The following VEGFC variants were observed in gnomAD, a reference collection of about 807,000 sequenced individuals.
VEGFC encodes vascular endothelial growth factor C.
In VEGFC, 12 loss-of-function variants were observed where a neutral mutation model predicts 46.1. The observed-to-expected ratio is 0.26, with a 90% CI of 0.17 to 0.42. The LOEUF is 0.42. Among genes scored for constraint, VEGFC ranks in the 10% least tolerant of loss-of-function variants. The pLI, the probability that VEGFC is intolerant of heterozygous loss-of-function variation, is 1.00. For synonymous variants in VEGFC, 232 were observed against 195.5 expected (o/e 1.19, Z -1.56); for missense variants, 488 against 529.4 (o/e 0.92, Z 0.77).
At chr4:176,726,614 ACT>A (rs1734877960) in intron 3 of VEGFC, among the ~76,000 whole-genome samples, 1 of 152,132 alleles carries the variant, frequency 6.6e-6, no homozygotes, top group African/African-American at 2.4e-5. Context: ...ATGTCTCCAA[ACT>A]CAGAGGCCAA....
chr4:176,767,401 C>T (rs891198024), intron 1 of VEGFC, among the ~76,000 whole-genome samples: 8 of 152,202 alleles, frequency 5.3e-5, no homozygotes, highest in African/African-American at 1.9e-4. Flanking sequence ...CTCTGCCTCA[C>T]CACATTTATG....
chr4:176,792,456 G>C lies in VEGFC; in HGVS notation c.-145C>G, dbSNP rs912109517. The C allele has an allele frequency of 9.8e-5, 55 of 564,014 alleles. No individual in the cohort carries two copies. The highest frequency in any genetic ancestry group is 1.4e-4 in the Non-Finnish European group (50 of 363,628). The allele number at this position is 564,014 out of a possible 1,614,324, so 34.9% of individuals were successfully genotyped here. On this transcript the variant is annotated 5_prime_UTR_variant, in exon 1 of 7. Coordinates refer to ENST00000618562, the MANE Select transcript of VEGFC (RefSeq NM_005429.5). The surrounding 1 kb of genome is among the most constrained non-coding windows in gnomAD (Gnocchi z 6.3). ...CCCCCCTGGGCGAGCCGGAGGCGGCGGGAGCGGGTCCGGGGCTCCGCGTTC... is the reference window on the plus strand; with the variant it reads ...CCCCCCTGGGCGAGCCGGAGGCGGCCGGAGCGGGTCCGGGGCTCCGCGTTC...
intron 3 of VEGFC, among the ~76,000 whole-genome samples, chr4:176,716,932 C>T (rs1034509189): frequency 1.5e-4 from 23 of 152,124 alleles, no homozygotes; most frequent in African/African-American, 5.6e-4. Context: ...TTCTGTTCTA[C>T]ATTTAAGTTC....
chr4:176,783,855 G>A (rs1735953668), intron 1 of VEGFC, among the ~76,000 whole-genome samples: 1 of 62,888 alleles, frequency 1.6e-5, no homozygotes, highest in Admixed American at 1.7e-4. Flanking sequence ...TGGGAAAATT[G>A]TCAGTAATTT....
chr4:176,781,833 T>C (rs866508614), intron 1 of VEGFC, among the ~76,000 whole-genome samples: 4 of 152,244 alleles, frequency 2.6e-5, no homozygotes, highest in Admixed American at 6.5e-5. Flanking sequence ...AAGGTGATTA[T>C]GTTTGTCATT....
chr4:176,747,197 T>C (rs184921879), intron 1 of VEGFC, among the ~76,000 whole-genome samples: 4 of 152,206 alleles, frequency 2.6e-5, no homozygotes, highest in Admixed American at 2.6e-4. Flanking sequence ...GGAAATGAGA[T>C]GCACTTAAAC....
At chr4:176,688,666 A>G (rs894656124) in intron 4 of VEGFC, among the ~76,000 whole-genome samples, 2 of 147,928 alleles carry the variant, frequency 1.4e-5, no homozygotes, top group African/African-American at 4.9e-5. Flanking sequence ...TTTAGAGTAA[A>G]AATTATGAAC....
chr4:176,777,541 AAT>A (rs1447717691), intron 1 of VEGFC, among the ~76,000 whole-genome samples: 4 of 152,212 alleles, frequency 2.6e-5, no homozygotes, highest in African/African-American at 9.6e-5. Flanking sequence ...GATTTTATAT[AAT>A]ACCTAAATAC....
intron 1 of VEGFC, among the ~76,000 whole-genome samples, chr4:176,761,630 T>TGAAC (rs1735531511): frequency 6.6e-6 from 1 of 152,198 alleles, no homozygotes; most frequent in African/African-American, 2.4e-5. Context: ...AGGACAACAG[T>TGAAC]GAACGAATGT....
intron 3 of VEGFC, among the ~76,000 whole-genome samples, chr4:176,714,629 T>C (rs1350121952): frequency 1.3e-5 from 2 of 152,146 alleles, no homozygotes; most frequent in Non-Finnish European, 2.9e-5. Flanking sequence ...AGAGTTTATG[T>C]TTTCCCACCC....
chr4:176,779,871 T>C (rs1436462123), intron 1 of VEGFC, among the ~76,000 whole-genome samples: 2 of 152,238 alleles, frequency 1.3e-5, no homozygotes, highest in South Asian at 2.1e-4. Flanking sequence ...TGTGCGAATG[T>C]ACCACCAGTG....
chr4:176,760,593 C>CT (rs2110909668), intron 1 of VEGFC, among the ~76,000 whole-genome samples: 1 of 152,266 alleles, frequency 6.6e-6, no homozygotes, highest in Admixed American at 6.5e-5. Context: ...CCACAGCAAG[C>CT]TTTTTCTCTT....
chr4:176,700,577 G>A (rs1460760291), intron 4 of VEGFC, among the ~76,000 whole-genome samples: 1 of 152,168 alleles, frequency 6.6e-6, no homozygotes, highest in Admixed American at 6.5e-5. Flanking sequence ...GGACTTAACT[G>A]AGTTGGAAAG....
chr4:176,785,930 T>C (rs980760595), intron 1 of VEGFC, among the ~76,000 whole-genome samples: 3 of 152,178 alleles, frequency 2.0e-5, no homozygotes, highest in East Asian at 1.9e-4. Flanking sequence ...TCTATTTCTA[T>C]ACTTTTGTAA....
At chr4:176,698,847 T>A (rs185096254) in intron 4 of VEGFC, among the ~76,000 whole-genome samples, 2 of 152,318 alleles carry the variant, frequency 1.3e-5, no homozygotes, top group Admixed American at 6.5e-5. Context: ...CTCAGCACAA[T>A]TTCCTCCAGG....
At chr4:176,709,057 C>T (rs1325712170) in intron 4 of VEGFC, among the ~76,000 whole-genome samples, 1 of 152,120 alleles carries the variant, frequency 6.6e-6, no homozygotes, top group Non-Finnish European at 1.5e-5. Context: ...GCTGTAGCTT[C>T]CTGTCTCTTC....
intron 4 of VEGFC, among the ~76,000 whole-genome samples, chr4:176,696,311 A>C (rs1227473488): frequency 3.3e-5 from 5 of 152,106 alleles, no homozygotes; most frequent in Non-Finnish European, 7.3e-5. Flanking sequence ...TCAATGTACA[A>C]AAATCACAAG....
intron 3 of VEGFC, among the ~76,000 whole-genome samples, chr4:176,712,692 C>G (rs902589333): frequency 1.3e-5 from 2 of 152,112 alleles, no homozygotes; most frequent in Non-Finnish European, 2.9e-5. Flanking sequence ...TGAACTTTCA[C>G]GCCATCAGCT....
chr4:176,752,678 CA>C (rs1345502886), intron 1 of VEGFC, among the ~76,000 whole-genome samples: 2 of 152,022 alleles, frequency 1.3e-5, no homozygotes, highest in Non-Finnish European at 2.9e-5. Context: ...TTATATCACA[CA>C]AAACTAAGAA....
Sources: allele counts gnomAD v4.1 joint callset (sites outside exome capture counted in the v4.1 genomes callset), GRCh38; gene constraint gnomAD v4.1.1; non-coding constraint Gnocchi (gnomAD v3.1); transcripts MANE v1.5; gene names NCBI Gene and HGNC (gene_info 2026-07-23, HGNC 2026-07-21).